SYNDIG1L: variants seen among roughly 807,000 people sequenced by gnomAD.
SYNDIG1L encodes the protein synapse differentiation inducing 1 like.
In SYNDIG1L, 13 loss-of-function variants were observed where a neutral mutation model predicts 20.1. The observed-to-expected ratio is 0.65, with a 90% CI of 0.42 to 1.03. SYNDIG1L has a LOEUF of 1.03. Ranked by LOEUF, SYNDIG1L falls within the 50% of genes least tolerant of loss-of-function variation. The probability of loss-of-function intolerance (pLI) is 0.00; values close to 1 mark genes in which losing one functional copy is unlikely to be tolerated. For missense variants in SYNDIG1L, 294 were observed against 305.1 expected, an observed-to-expected ratio of 0.96 and a Z score of 0.27; for synonymous variants, 128 against 129.3, an observed-to-expected ratio of 0.99 and a Z score of 0.07.
chr14:74,434,658 T>TGA, the SYNDIG1L span, among the ~76,000 whole-genome samples: 15 of 150,058 alleles, frequency 1.0e-4, no homozygotes, highest in South Asian at 2.1e-4. Context: ...AGGGCAGATA[T>TGA]GAGAGAGAGA....
chr14:74,480,124 G>A, the SYNDIG1L span: 9 of 1,568,784 alleles, frequency 5.7e-6, no homozygotes, highest in Non-Finnish European at 7.8e-6. Context: ...GCCACCCGGA[G>A]CTCAGTTTCT....
At chr14:74,438,975 G>A in the SYNDIG1L span, among the ~76,000 whole-genome samples, 4 of 152,216 alleles carry the variant, frequency 2.6e-5, no homozygotes, top group African/African-American at 9.6e-5. Context: ...TTAGTCAGGC[G>A]TGGTGGCACG....
chr14:74,420,655 T>C (rs139240539), intron 1 of SYNDIG1L, among the ~76,000 whole-genome samples: 375 of 151,920 alleles, frequency 2.5e-3, no homozygotes, highest in African/African-American at 6.9e-3. Flanking sequence ...TTCAAGAGGG[T>C]AGCCTGAACA....
At chr14:74,439,085 G>A in the SYNDIG1L span, among the ~76,000 whole-genome samples, 1 of 146,980 alleles carries the variant, frequency 6.8e-6, no homozygotes, top group Non-Finnish European at 1.5e-5. Flanking sequence ...TTGCACTCTA[G>A]CTTGGGTGAC....
intron 1 of SYNDIG1L, among the ~76,000 whole-genome samples, chr14:74,414,448 C>G (rs557953253): frequency 5.9e-5 from 9 of 152,128 alleles, no homozygotes; most frequent in Non-Finnish European, 7.3e-5. Context: ...TAGCTGGGCC[C>G]GAAGGTTTCC....
the SYNDIG1L span, among the ~76,000 whole-genome samples, chr14:74,466,635 G>C: frequency 6.5e-4 from 99 of 152,274 alleles, no homozygotes; most frequent in African/African-American, 2.2e-3. Flanking sequence ...TGCTGGGCTT[G>C]AGCTGGGAGG....
At chr14:74,457,203 C>T in the SYNDIG1L span, among the ~76,000 whole-genome samples, 2 of 152,076 alleles carry the variant, frequency 1.3e-5, no homozygotes, top group Admixed American at 6.6e-5. Context: ...CTCTCCTGCT[C>T]CACAAGGCGT....
At chr14:74,465,398 C>A in the SYNDIG1L span, among the ~76,000 whole-genome samples, 10 of 152,242 alleles carry the variant, frequency 6.6e-5, no homozygotes, top group African/African-American at 1.2e-4. Context: ...TACCTCTCCT[C>A]CCTCTTTTCT....
the SYNDIG1L span, among the ~76,000 whole-genome samples, chr14:74,476,966 C>T: frequency 6.6e-6 from 1 of 151,782 alleles, no homozygotes; most frequent in African/African-American, 2.4e-5. Context: ...GACTTTCAGG[C>T]AACATCTGTG....
At chr14:74,464,277 T>G in the SYNDIG1L span, among the ~76,000 whole-genome samples, 4 of 152,096 alleles carry the variant, frequency 2.6e-5, no homozygotes, top group South Asian at 2.1e-4. Context: ...CAGGAAGCCC[T>G]CCCTGATGCG....
chr14:74,414,973 G>C (rs1257961222), intron 1 of SYNDIG1L, among the ~76,000 whole-genome samples: 3 of 152,198 alleles, frequency 2.0e-5, no homozygotes, highest in East Asian at 3.9e-4. Context: ...AGGGAGGCCA[G>C]CCTGACACTT....
the SYNDIG1L span, among the ~76,000 whole-genome samples, chr14:74,434,387 G>A: frequency 6.6e-6 from 1 of 151,964 alleles, no homozygotes; most frequent in Non-Finnish European, 1.5e-5. Flanking sequence ...GCCTCGGTGG[G>A]AGAATAATAG....
the SYNDIG1L span, among the ~76,000 whole-genome samples, chr14:74,466,640 G>C: frequency 6.6e-6 from 1 of 152,146 alleles, no homozygotes; most frequent in Non-Finnish European, 1.5e-5. Flanking sequence ...GGCTTGAGCT[G>C]GGAGGAAGGG....
chr14:74,424,298 C>T (rs992399256), intron 1 of SYNDIG1L, among the ~76,000 whole-genome samples: 4 of 152,190 alleles, frequency 2.6e-5, no homozygotes, highest in Non-Finnish European at 4.4e-5. Flanking sequence ...CCTGAGACAG[C>T]GGCGGATCTG....
At chr14:74,458,621 C>CAAAAAA in the SYNDIG1L span, among the ~76,000 whole-genome samples, 26 of 79,824 alleles carry the variant, frequency 3.3e-4, 1 homozygote, top group African/African-American at 1.1e-3. Flanking sequence ...GACTCCATCT[C>CAAAAAA]AAAAAAAAAA....
chr14:74,453,247 T>C, the SYNDIG1L span, among the ~76,000 whole-genome samples: 3 of 149,646 alleles, frequency 2.0e-5, no homozygotes, highest in Admixed American at 2.0e-4. Flanking sequence ...CTTGGGAGGC[T>C]GAAGCTGAGG....
At chr14:74,429,684 A>G (rs1422115795), upstream of SYNDIG1L, among the ~76,000 whole-genome samples, 1 of 152,242 alleles carries the variant, frequency 6.6e-6, no homozygotes, top group East Asian at 1.9e-4. Context: ...AGAGGACAGG[A>G]GAGGTGGGCC....
the SYNDIG1L span, among the ~76,000 whole-genome samples, chr14:74,453,153 C>T: frequency 6.6e-6 from 1 of 151,678 alleles, no homozygotes; most frequent in Admixed American, 6.6e-5. Context: ...TCAAGACCAG[C>T]CTGACCAACA....
intron 1 of SYNDIG1L, among the ~76,000 whole-genome samples, chr14:74,410,665 TG>T (rs1346706988): frequency 6.6e-6 from 1 of 152,088 alleles, no homozygotes; most frequent in Non-Finnish European, 1.5e-5. Context: ...CAGGACTCAG[TG>T]GCAGGTGGGA....
Sources: allele counts gnomAD v4.1 joint callset (sites outside exome capture counted in the v4.1 genomes callset), GRCh38; gene constraint gnomAD v4.1.1; transcripts MANE v1.5; gene names NCBI Gene and HGNC (gene_info 2026-07-23, HGNC 2026-07-21).